WDR88: variants seen among roughly 807,000 people sequenced by gnomAD.
WDR88 encodes the protein WD repeat-containing protein 88.
Under a neutral mutation model 46.8 loss-of-function variants are expected in WDR88, and 40 were observed. That is an observed-to-expected ratio of 0.86 (90% CI 0.66 to 1.11). The LOEUF is 1.11. Ranked by LOEUF, WDR88 falls within the 50% of genes most tolerant of loss-of-function variation. The pLI is 0.00. For synonymous variants in WDR88, 235 were observed against 240.7 expected, an observed-to-expected ratio of 0.98 and a Z score of 0.22; for missense variants, 562 against 602.4, an observed-to-expected ratio of 0.93 and a Z score of 0.70.
intron 8 of WDR88, among the ~76,000 whole-genome samples, chr19:33,161,810 C>G (rs1162764464): frequency 6.6e-6 from 1 of 152,020 alleles, no homozygotes; most frequent in African/African-American, 2.4e-5. Flanking sequence ...ACTAAAAATA[C>G]AAAAATTAGC....
At chr19:33,141,195 C>T (rs1249199482) in intron 2 of WDR88, among the ~76,000 whole-genome samples, 2 of 148,724 alleles carry the variant, frequency 1.3e-5, no homozygotes, top group South Asian at 4.2e-4. Context: ...CCTCAGCCTC[C>T]AAAAGTGCTG....
intron 2 of WDR88, chr19:33,142,748 C>T (rs1441137488): frequency 6.7e-6 from 1 of 149,446 alleles, no homozygotes; most frequent in Admixed American, 6.8e-5. Context: ...TGGCTCACAC[C>T]TGTAATCCCA....
chr19:33,147,534 TG>T, intron 3 of WDR88, 110 bp from the exon 4 acceptor site: 1 of 972,068 alleles, frequency 1.0e-6, no homozygotes, highest in Non-Finnish European at 1.5e-6. Context: ...ACCTGGGAGG[TG>T]GAGGTTGCAG....
chr19:33,162,103 C>G (rs74992310), intron 8 of WDR88, among the ~76,000 whole-genome samples: 1 of 152,186 alleles, frequency 6.6e-6, no homozygotes, highest in African/African-American at 2.4e-5. Flanking sequence ...TCTTTCCATA[C>G]GGGGAAGGCC....
At chr19:33,154,579 C>T (rs140767008) in intron 6 of WDR88, among the ~76,000 whole-genome samples, 33 of 152,278 alleles carry the variant, frequency 2.2e-4, no homozygotes, top group African/African-American at 7.7e-4. Flanking sequence ...TGTATATGTA[C>T]CACATTTTCT....
At chr19:33,151,490 G>A (rs192214890) in intron 6 of WDR88, among the ~76,000 whole-genome samples, 180 bp downstream of exon 6, 1 of 152,314 alleles carries the variant, frequency 6.6e-6, no homozygotes, top group African/African-American at 2.4e-5. Context: ...TGTGGGCTGG[G>A]CTGGGCCTCA....
intron 10 of WDR88, among the ~76,000 whole-genome samples, chr19:33,172,887 C>G (rs7257721): frequency 6.6e-6 from 1 of 151,640 alleles, no homozygotes; most frequent in African/African-American, 2.4e-5. Context: ...GTCAGGAGTT[C>G]GAGACCAGCC....
rs1184583511 is a variant in WDR88, at chr19:33,175,622, G to T, written c.*50G>T. On this transcript the variant is annotated 3_prime_UTR_variant, in exon 11 of 11. Coordinates refer to ENST00000355868, the MANE Select transcript of WDR88 (RefSeq NM_173479.4). ...TCCAGCACAGGCTACCTAGCATGTA[G>T]GTTTCGGGGCTTTGCAGGGGCTTTC... is the stretch of plus-strand genomic sequence containing the variant. The T allele has an allele frequency of 1.2e-5, 19 of 1,605,712 alleles. No homozygotes were observed. Among genetic ancestry groups the T allele is most frequent in the Non-Finnish European group, 1.5e-5 (18 of 1,174,896 alleles).
At chr19:33,172,571 A>C in intron 10 of WDR88, 131 bp downstream of exon 10, 1 of 705,516 alleles carries the variant, frequency 1.4e-6, no homozygotes, top group Non-Finnish European at 2.4e-6. Context: ...TTTTTGCCCC[A>C]GGGGAGCTTA....
chr19:33,164,328 T>C, intron 9 of WDR88, 63 bp downstream of exon 9: 3 of 1,488,196 alleles, frequency 2.0e-6, no homozygotes, highest in Non-Finnish European at 2.8e-6. Flanking sequence ...GTGGAAGAGT[T>C]ATTGCCAAGT....
rs1158050446 is a variant in WDR88, at chr19:33,156,486, T to A, written c.941T>A (p.Val314Glu). ...GAGTTTCGAAACTGTGGAGCCTGTG[T>A]GACTCTGATGCAGGGCCATGAAGGT... ...TGEFRNCGAC[V>E]TLMQGHEGSV... is the part of the protein sequence containing the mutation. Residue 314 changes from valine (V) to glutamate (E), a missense_variant, in exon 7 of 11, where the codon GTG (valine) becomes GAG (glutamate). By Grantham distance (121) the Val-to-Glu change is moderately radical (BLOSUM62 -2). Coordinates refer to ENST00000355868, the MANE Select transcript of WDR88 (RefSeq NM_173479.4). 2 of 1,614,200 alleles carry A rather than the reference T, an allele frequency of 1.2e-6. No homozygotes were observed. Among genetic ancestry groups the A allele is most frequent in the African/African-American group, 2.7e-5 (2 of 75,060 alleles).
At chr19:33,153,487 G>A (rs1018277504) in intron 6 of WDR88, among the ~76,000 whole-genome samples, 1 of 152,054 alleles carries the variant, frequency 6.6e-6, no homozygotes, top group African/African-American at 2.4e-5. Context: ...AACTGAAAAT[G>A]ATATAGCCCG....
chr19:33,133,462 C>G (rs1477405074), intron 1 of WDR88, among the ~76,000 whole-genome samples: 1 of 152,138 alleles, frequency 6.6e-6, no homozygotes, highest in Non-Finnish European at 1.5e-5. Context: ...GCAGCAAGAT[C>G]ATTTGAACCC....
At chr19:33,136,123 T>C (rs1396651210) in intron 1 of WDR88, among the ~76,000 whole-genome samples, 1 of 151,548 alleles carries the variant, frequency 6.6e-6, no homozygotes, top group Non-Finnish European at 1.5e-5. Flanking sequence ...TGGCACGACC[T>C]CGGCTCACTG....
In WDR88 at chr19:33,175,654, G is replaced by A; in HGVS notation, c.*82G>A. Reference sequence around the variant, plus strand: ...GGGCTTTGCAGGGGCTTTCTCTTGGGCCCCTCCCAGGCTCAGCAGGCCTGT... The same window carrying A: ...GGGCTTTGCAGGGGCTTTCTCTTGGACCCCTCCCAGGCTCAGCAGGCCTGT... On this transcript the variant is annotated 3_prime_UTR_variant, in exon 11 of 11. Coordinates refer to ENST00000355868, the MANE Select transcript of WDR88 (RefSeq NM_173479.4). 1.3e-6 allele frequency: 2 copies of A among 1,546,364 alleles called. No individual in the cohort carries two copies. Among genetic ancestry groups the A allele is most frequent in the Non-Finnish European group, 1.8e-6 (2 of 1,135,938 alleles).
At chr19:33,166,516 G>A (rs1342385784) in intron 9 of WDR88, among the ~76,000 whole-genome samples, 1 of 152,060 alleles carries the variant, frequency 6.6e-6, no homozygotes, top group African/African-American at 2.4e-5. Flanking sequence ...AGGAATGCTT[G>A]AGCTTAGGAG....
At position 33,137,721 on chromosome 19, in the gene WDR88, C is replaced by T; in HGVS notation, c.321C>T (p.Thr107=). The T allele has an allele frequency of 6.2e-7, 1 of 1,614,022 alleles. No individual in the cohort carries two copies. The highest frequency in any genetic ancestry group is 8.5e-7 in the Non-Finnish European group (1 of 1,180,030). ...GTGGGCACGAGCACGCTGTGAGCAC[C>T]TGCCACTTCTGTGTGGATGACACAA... is the stretch of plus-strand genomic sequence containing the variant. ...ILSGHEHAVS[T]CHFCVDDTKL... Residue 107 remains threonine (T), a synonymous_variant, in exon 2 of 11, where the codon ACC becomes ACT. Transcript: ENST00000355868.
At chr19:33,137,575 T>A (rs747610897) in intron 1 of WDR88, 102 bp from the exon 2 acceptor site, 9 of 1,069,624 alleles carry the variant, frequency 8.4e-6, no homozygotes, top group Non-Finnish European at 1.2e-5. Context: ...TTCATTTTTT[T>A]CCGGGTGGTT....
At chr19:33,153,826 T>C (rs763372373) in intron 6 of WDR88, among the ~76,000 whole-genome samples, 10 of 152,190 alleles carry the variant, frequency 6.6e-5, no homozygotes, top group Admixed American at 2.0e-4. Flanking sequence ...GTCATTCATA[T>C]TGTTTTTCTC....
Sources: allele counts gnomAD v4.1 joint callset (sites outside exome capture counted in the v4.1 genomes callset), GRCh38; gene constraint gnomAD v4.1.1; transcripts MANE v1.5; gene names NCBI Gene and HGNC (gene_info 2026-07-23, HGNC 2026-07-21).